The following SENP1 variants were observed in gnomAD, a reference collection of about 807,000 sequenced individuals.
SENP1 encodes sentrin-specific protease 1.
A neutral mutation model predicts 93.0 loss-of-function variants in SENP1; 21 were observed. The ratio of observed to expected loss-of-function variants is 0.23; its 90% CI spans 0.16 to 0.33. The LOEUF (loss-of-function observed/expected upper bound fraction) is 0.33, where lower values mean the gene tolerates loss of function less well. Ranked by LOEUF, SENP1 falls within the 10% of genes least tolerant of loss-of-function variation. SENP1 has a pLI of 1.00. For synonymous variants in SENP1, 256 were observed against 259.6 expected (o/e 0.99, Z 0.13); for missense variants, 591 against 758.7 (o/e 0.78, Z 2.60).
At chr12:48,093,786 G>A (rs975644394) in intron 4 of SENP1, among the ~76,000 whole-genome samples, 2 of 150,820 alleles carry the variant, frequency 1.3e-5, no homozygotes, top group Non-Finnish European at 3.0e-5. Context: ...ACAACATGGC[G>A]AAACTCCGTC....
At chr12:48,051,110 G>A (rs1343002917) in intron 13 of SENP1, among the ~76,000 whole-genome samples, 1 of 151,548 alleles carries the variant, frequency 6.6e-6, no homozygotes, top group African/African-American at 2.4e-5. Context: ...TGACATAAAT[G>A]AGTGTCATGC....
chr12:48,094,731 A>C (rs900186542), intron 4 of SENP1, among the ~76,000 whole-genome samples: 3 of 152,098 alleles, frequency 2.0e-5, no homozygotes, highest in African/African-American at 7.2e-5. Context: ...AAACATTAGA[A>C]TTGGGTTATG....
At chr12:48,079,155 A>G (rs544540659) in intron 6 of SENP1, among the ~76,000 whole-genome samples, 1 of 152,108 alleles carries the variant, frequency 6.6e-6, no homozygotes, top group East Asian at 1.9e-4. Context: ...ATTTCATAAA[A>G]TTAAAAAAAA....
At chr12:48,099,808 C>G (rs1477124291) in intron 2 of SENP1, among the ~76,000 whole-genome samples, 1 of 152,094 alleles carries the variant, frequency 6.6e-6, no homozygotes, top group Non-Finnish European at 1.5e-5. Context: ...GACCCTGTCT[C>G]TAATAATAAT....
At chr12:48,067,368 T>C (rs926562749) in intron 9 of SENP1, among the ~76,000 whole-genome samples, 2 of 152,228 alleles carry the variant, frequency 1.3e-5, no homozygotes, top group Admixed American at 1.3e-4. Flanking sequence ...ACACACAAAA[T>C]AATCTACATC....
intron 3 of SENP1, 108 bp from the exon 4 acceptor site, chr12:48,096,535 A>C (rs1945572892): frequency 1.6e-6 from 1 of 642,520 alleles, no homozygotes; most frequent in South Asian, 1.8e-5. Flanking sequence ...TGCTCACTGC[A>C]ACCTCCGCCT....
intron 6 of SENP1, among the ~76,000 whole-genome samples, chr12:48,082,665 T>A (rs1944568622): frequency 6.6e-6 from 1 of 152,220 alleles, no homozygotes; most frequent in Non-Finnish European, 1.5e-5. Context: ...TGTGCACACA[T>A]CCTATCATGC....
chr12:48,094,608 A>G (rs960555942), intron 4 of SENP1, among the ~76,000 whole-genome samples: 1 of 152,162 alleles, frequency 6.6e-6, no homozygotes, highest in Admixed American at 6.5e-5. Context: ...TGAACCCAGG[A>G]GGCGGAGGTT....
rs1044867601 is a variant in SENP1, at chr12:48,101,509, A to C, written c.-37T>G. ...TCACATCACTGACTTTAGCAAAGAT[A>C]CAAAGTCCTATAAAAGAAGACACAA... On this transcript the variant is annotated 5_prime_UTR_variant, in exon 2 of 18. Transcript: ENST00000549518. The C allele has an allele frequency of 2.5e-6, 4 of 1,573,374 alleles. No homozygotes were observed. The highest frequency in any genetic ancestry group is 3.5e-6 in the Non-Finnish European group (4 of 1,153,440).
chr12:48,098,978 C>T (rs1448693028), intron 2 of SENP1: 1 of 152,068 alleles, frequency 6.6e-6, no homozygotes, highest in African/African-American at 2.4e-5. Flanking sequence ...GGCCATCTAC[C>T]AAACAGTTCA....
chr12:48,055,557 C>CA (rs1942179073), intron 13 of SENP1: 1 of 151,970 alleles, frequency 6.6e-6, no homozygotes. Flanking sequence ...CAAGGATAGC[C>CA]AATATCTGCC....
chr12:48,056,862 T>C (rs1342988258), intron 13 of SENP1, among the ~76,000 whole-genome samples: 2 of 67,236 alleles, frequency 3.0e-5, no homozygotes, highest in African/African-American at 6.3e-5. Context: ...TATTATTTAA[T>C]ATATTACATA....
chr12:48,046,181 T>A (rs1014702303), intron 17 of SENP1, among the ~76,000 whole-genome samples, 175 bp downstream of exon 17: 3 of 152,204 alleles, frequency 2.0e-5, no homozygotes, highest in African/African-American at 4.8e-5. Context: ...ATCACTAATT[T>A]TCTTTCTTTT....
At chr12:48,066,988 T>G (rs1003957717) in intron 9 of SENP1, 23 bp from the exon 10 acceptor site, 25 of 1,511,052 alleles carry the variant, frequency 1.7e-5, no homozygotes, top group Non-Finnish European at 9.0e-7. Context: ...AAAGAAAAAT[T>G]TGACAAATGA....
chr12:48,065,155 T>C lies in SENP1; in HGVS notation c.1185A>G (p.Glu395=), dbSNP rs188821058. 52 of 1,609,636 alleles carry C rather than the reference T, an allele frequency of 3.2e-5. No homozygotes were observed. The East Asian group carries it at 7.6e-4, about 23-fold the overall frequency. ...SVELHLRVPL[E]KEIPVTVVQE... is the part of the protein sequence containing the mutation. The stretch of plus-strand genomic sequence containing the variant: ...GGACAACAGTAACAGGAATCTCCTT[T>C]TCAAGAGGTACACGAAGATGTAGTT... The change falls in exon 12 of 18, where the codon GAA becomes GAG. Residue 395 remains glutamate (E), a synonymous_variant. Coordinates refer to ENST00000549518, the MANE Select transcript of SENP1 (RefSeq NM_001267594.2).
At position 48,096,400 on chromosome 12, in the gene SENP1, C is replaced by T. The variant is rs756893691; in HGVS notation, c.163G>A (p.Asp55Asn). 12 of 1,610,378 alleles carry T rather than the reference C, an allele frequency of 7.5e-6. No homozygotes were observed. In the African/African-American group the frequency reaches 8.0e-5, roughly 11 times the overall value. Reference sequence around the variant, plus strand: ...CTTGTGGAACATGTAAAAGATCGGTCCAAATGTCCTTGCCTGGAAGATAAA... The same window carrying T: ...CTTGTGGAACATGTAAAAGATCGGTTCAAATGTCCTTGCCTGGAAGATAAA... ...QILSSRQGHL[D>N]RSFTCSTRSA... Residue 55 changes from aspartate to asparagine, a missense_variant, in exon 4 of 18, where the codon GAC becomes AAC. Physicochemically the swap from Asp to Asn is conservative, Grantham distance 23 (BLOSUM62 1). This residue lies in a region of SENP1 where 214 missense variants were observed against 243.4 expected (regional missense o/e 0.88). Coordinates refer to ENST00000549518, the MANE Select transcript of SENP1 (RefSeq NM_001267594.2).
intron 5 of SENP1, chr12:48,084,983 TG>T: frequency 1.5e-6 from 1 of 683,178 alleles, no homozygotes; most frequent in South Asian, 2.1e-5. Context: ...TAAGTCTTCT[TG>T]GGTTTGTACG....
chr12:48,101,055 G>A (rs1375858886), intron 2 of SENP1, among the ~76,000 whole-genome samples: 1 of 152,166 alleles, frequency 6.6e-6, no homozygotes, highest in Non-Finnish European at 1.5e-5. Flanking sequence ...AGAGGCTGAG[G>A]TGGGCCGATC....
chr12:48,100,611 G>A (rs1027402515), intron 2 of SENP1, among the ~76,000 whole-genome samples: 4 of 151,884 alleles, frequency 2.6e-5, no homozygotes, highest in Admixed American at 2.6e-4. Flanking sequence ...CTCCAGCCTG[G>A]GTGACAGAGC....
Sources: allele counts gnomAD v4.1 joint callset (sites outside exome capture counted in the v4.1 genomes callset), GRCh38; gene constraint gnomAD v4.1.1; regional missense constraint gnomAD v4.1.1; transcripts MANE v1.5; gene names NCBI Gene and HGNC (gene_info 2026-07-23, HGNC 2026-07-21).